BICDL1: variants seen among roughly 807,000 people sequenced by gnomAD.
BICDL1 encodes BICD family-like cargo adapter 1.
A neutral mutation model predicts 76.8 loss-of-function variants in BICDL1; 20 were observed. The observed-to-expected ratio is 0.26, with a 90% CI of 0.18 to 0.38. The LOEUF (loss-of-function observed/expected upper bound fraction) is 0.38, where lower values mean the gene tolerates loss of function less well. BICDL1 is among the 10% of genes least tolerant of loss of function. The probability of loss-of-function intolerance (pLI) is 1.00; values close to 1 mark genes in which losing one functional copy is unlikely to be tolerated. For synonymous variants in BICDL1, 383 were observed against 337.1 expected (o/e 1.14, Z -1.49); for missense variants, 700 against 798.6 (o/e 0.88, Z 1.49).
intron 9 of BICDL1, chr12:120,090,963 G>A (rs1175221635): frequency 1.6e-6 from 2 of 1,288,588 alleles, no homozygotes; most frequent in Non-Finnish European, 2.0e-6. Flanking sequence ...CTGATCTAGT[G>A]GCCTTTCTCA....
intron 2 of BICDL1, among the ~76,000 whole-genome samples, chr12:120,009,627 AGGTGG>A (rs1332420466): frequency 6.6e-6 from 1 of 152,192 alleles, no homozygotes; most frequent in Non-Finnish European, 1.5e-5. Context: ...GCCTGATGTG[AGGTGG>A]GGCCCCCAAA....
rs1038544309 is a variant in BICDL1, at chr12:120,077,484, AG to A, written c.1452+2900del. ...GTAGAATATGAACACGTTATCGGTG[AG>A]GCCCTCAGCCAGTTCTCAGGCCTGT... On this transcript the variant is annotated intron_variant, in intron 7 of 9. Coordinates refer to ENST00000548673, the MANE Select transcript of BICDL1 (RefSeq NM_001367886.1). 4.8e-4 allele frequency among the ~76,000 whole-genome samples: 67 copies of A among 139,638 alleles called. 1 individual carries two copies. The highest frequency in any genetic ancestry group is 2.9e-3 in the South Asian group (12 of 4,080). 91.6% of individuals were successfully genotyped at this position (139,638 alleles called of 152,430 possible).
At chr12:120,082,702 C>A (rs1323365183) in intron 8 of BICDL1, among the ~76,000 whole-genome samples, 1 of 152,020 alleles carries the variant, frequency 6.6e-6, no homozygotes, top group East Asian at 1.9e-4. Flanking sequence ...CCCTCCTCAG[C>A]CTCCCAAGTA....
intron 2 of BICDL1, among the ~76,000 whole-genome samples, chr12:120,051,260 C>G (rs1300783704): frequency 6.6e-6 from 1 of 151,826 alleles, no homozygotes; most frequent in Admixed American, 6.6e-5. Flanking sequence ...GTTGGCCAGG[C>G]TGGTCTCAAA....
At chr12:120,003,290 A>G (rs959089838) in intron 2 of BICDL1, among the ~76,000 whole-genome samples, 4 of 152,216 alleles carry the variant, frequency 2.6e-5, no homozygotes, top group Non-Finnish European at 5.9e-5. Context: ...ATACTGTTAG[A>G]CTGTAAACTC....
intron 2 of BICDL1, among the ~76,000 whole-genome samples, chr12:120,046,738 CAT>C (rs1222259133): frequency 6.6e-6 from 1 of 152,162 alleles, no homozygotes; most frequent in Non-Finnish European, 1.5e-5. Context: ...ATCAAGTTAA[CAT>C]AGGGGATAGT....
At chr12:120,075,224 T>C (rs999447347) in intron 7 of BICDL1, among the ~76,000 whole-genome samples, 1 of 152,118 alleles carries the variant, frequency 6.6e-6, no homozygotes, top group Non-Finnish European at 1.5e-5. Flanking sequence ...AGAGGTTCTG[T>C]GCTGCTTGGG....
chr12:120,061,775 A>G lies in BICDL1; in HGVS notation c.711A>G (p.Lys237=). 1 of 1,614,214 alleles carries G rather than the reference A, an allele frequency of 6.2e-7. No homozygotes were observed. ...VHALREDFRE[K]NSSTNQHIIR... is the part of the protein sequence containing the mutation. ...CCCTCAGAGAAGACTTTCGGGAGAA[A>G]AACTCATCAACCAACCAGCACATTA... The change falls in exon 3 of 10, where the codon AAA becomes AAG. Residue 237 remains lysine, a synonymous_variant. Coordinates refer to ENST00000548673, the MANE Select transcript of BICDL1 (RefSeq NM_001367886.1).
At chr12:120,082,165 T>A (rs1874043248) in intron 8 of BICDL1, among the ~76,000 whole-genome samples, 1 of 152,200 alleles carries the variant, frequency 6.6e-6, no homozygotes, top group South Asian at 2.1e-4. Flanking sequence ...AAGTGGATCA[T>A]TTCTCTCATA....
At chr12:120,016,824 G>T (rs1952072646) in intron 2 of BICDL1, among the ~76,000 whole-genome samples, 1 of 147,052 alleles carries the variant, frequency 6.8e-6, no homozygotes, top group South Asian at 2.2e-4. Flanking sequence ...TCCACAAGAG[G>T]ACTCCTTTTT....
intron 2 of BICDL1, among the ~76,000 whole-genome samples, chr12:120,031,164 C>T (rs1952414150): frequency 6.6e-6 from 1 of 151,148 alleles, no homozygotes; most frequent in Non-Finnish European, 1.5e-5. Context: ...TCAGTGAGCA[C>T]TATATACCTA....
At chr12:120,013,799 T>C (rs1952007466) in intron 2 of BICDL1, among the ~76,000 whole-genome samples, 1 of 152,176 alleles carries the variant, frequency 6.6e-6, no homozygotes, top group South Asian at 2.1e-4. Flanking sequence ...CTTAGTGCCA[T>C]GCATATTATG....
At chr12:120,090,164 T>G in intron 9 of BICDL1, 93 bp downstream of exon 9, 1 of 1,470,362 alleles carries the variant, frequency 6.8e-7, no homozygotes, top group Non-Finnish European at 9.2e-7. Context: ...CACTGGAGGG[T>G]TCCATGTGAC....
chr12:119,990,414 A>G, intron 1 of BICDL1, 117 bp downstream of exon 1: 1 of 1,488,542 alleles, frequency 6.7e-7, no homozygotes, highest in Non-Finnish European at 8.9e-7. Flanking sequence ...CCTCGCAGAA[A>G]ATCTGGAATG....
chr12:120,035,519 T>C (rs769166417), intron 2 of BICDL1, among the ~76,000 whole-genome samples: 4 of 152,310 alleles, frequency 2.6e-5, no homozygotes, highest in South Asian at 2.1e-4. Flanking sequence ...TCACCACATA[T>C]AGTGAACAAG....
chr12:119,991,220 G>C (rs1951515640), intron 1 of BICDL1, among the ~76,000 whole-genome samples: 1 of 152,160 alleles, frequency 6.6e-6, no homozygotes, highest in Non-Finnish European at 1.5e-5. Context: ...TACTATTATT[G>C]TTACCTAGTT....
rs748841343 is a variant in BICDL1 at position 120,081,004 on chromosome 12, G to A, written c.1570G>A (p.Glu524Lys). ...TCAGAAGGCCATCAGGGACCGCGAC[G>A]AGGCCATTGCAAAGTGAGTAGGGAT... is the stretch of plus-strand genomic sequence containing the variant. ...QLQKAIRDRDEAIAKKNAVEL... is the reference protein window; with the variant it reads ...QLQKAIRDRDKAIAKKNAVEL... Residue 524 changes from glutamate (E) to lysine (K), a missense_variant, in exon 8 of 10, where the codon GAG becomes AAG. Physicochemically the swap from Glu to Lys is moderately conservative, Grantham distance 56 (BLOSUM62 1). Coordinates refer to ENST00000548673, the MANE Select transcript of BICDL1 (RefSeq NM_001367886.1). The A allele has an allele frequency of 8.1e-6, 13 of 1,613,296 alleles. No homozygotes were observed. Among genetic ancestry groups the A allele is most frequent in the Middle Eastern group, 1.6e-4 (1 of 6,082 alleles).
chr12:120,092,482 C>T, intron 9 of BICDL1: 1 of 985,478 alleles, frequency 1.0e-6, no homozygotes, highest in Non-Finnish European at 1.2e-6. Context: ...GCCGTTGGTG[C>T]CTGGGCATCA....
chr12:120,090,214 CAG>C, intron 9 of BICDL1, 143 bp downstream of exon 9: 1 of 953,378 alleles, frequency 1.0e-6, no homozygotes, highest in Non-Finnish European at 1.5e-6. Flanking sequence ...TGGCAAGATC[CAG>C]AGCTCATGTC....
Sources: gnomAD v4.1 joint callset for allele counts (sites outside exome capture counted in the v4.1 genomes callset) on GRCh38, gnomAD v4.1.1 for gene constraint, MANE v1.5 for transcripts, NCBI Gene and HGNC (gene_info 2026-07-23, HGNC 2026-07-21) for gene names.